SIPA1: variants seen among roughly 807,000 people sequenced by gnomAD.
SIPA1 encodes signal-induced proliferation-associated protein 1.
In SIPA1, 51 loss-of-function variants were observed where a neutral mutation model predicts 88.1. The ratio of observed to expected loss-of-function variants is 0.58; its 90% confidence interval spans 0.46 to 0.73. The LOEUF is 0.73. Ranked by LOEUF, SIPA1 falls within the 30% of genes least tolerant of loss-of-function variation. The pLI, the probability that SIPA1 is intolerant of heterozygous loss-of-function variation, is 0.00. For synonymous variants in SIPA1, 681 were observed against 664.8 expected (o/e 1.02, Z -0.37); for missense variants, 1,348 against 1,467.6 (o/e 0.92, Z 1.33).
chr11:65,650,523 A>T (rs1349705504), intron 15 of SIPA1, 44 bp downstream of exon 15: 1 of 1,612,952 alleles, frequency 6.2e-7, no homozygotes, highest in South Asian at 1.1e-5. Context: ...GGGCTGCCCC[A>T]GGAAAGGGGC....
At chr11:65,639,641 G>A (rs1167753892) in intron 1 of SIPA1, among the ~76,000 whole-genome samples, 1 of 152,120 alleles carries the variant, frequency 6.6e-6, no homozygotes, top group Non-Finnish European at 1.5e-5. Flanking sequence ...ACCCCCAGTG[G>A]AGGTTCCCCA....
At chr11:65,647,192 C>A (rs113829864) in intron 8 of SIPA1, 127 bp downstream of exon 8, 1 of 1,410,140 alleles carries the variant, frequency 7.1e-7, no homozygotes, top group Non-Finnish European at 9.2e-7. Flanking sequence ...AGAGCCAGCC[C>A]CGGGGCTTGG....
chr11:65,643,882 G>A (rs980523043), intron 4 of SIPA1, among the ~76,000 whole-genome samples: 3 of 152,158 alleles, frequency 2.0e-5, no homozygotes, highest in African/African-American at 4.8e-5. Flanking sequence ...GGGATACGGT[G>A]CAGATCTGAG....
chr11:65,645,693 GC>G (rs530781471), intron 5 of SIPA1, 160 bp from the exon 6 acceptor site: 513 of 571,628 alleles, frequency 9.0e-4, no homozygotes, highest in Middle Eastern at 1.7e-3. Flanking sequence ...CAGGGCTGAG[GC>G]CCTTGAATCT....
chr11:65,649,136 A>G, intron 9 of SIPA1, 126 bp from the exon 10 acceptor site: 1 of 668,704 alleles, frequency 1.5e-6, no homozygotes, highest in Non-Finnish European at 2.5e-6. Context: ...GACATTTTTC[A>G]CTGTTGTCAG....
chr11:65,647,846 G>C (rs1157890101), intron 9 of SIPA1, among the ~76,000 whole-genome samples, 188 bp downstream of exon 9: 1 of 147,928 alleles, frequency 6.8e-6, no homozygotes, highest in African/African-American at 2.5e-5. Context: ...CTCTTTCTCT[G>C]TCCTTCCTTC....
chr11:65,642,453 C>T lies in SIPA1; in HGVS notation c.808-10C>T, dbSNP rs754597737. The T allele has an allele frequency of 1.9e-6, 3 of 1,610,604 alleles. No individual in the cohort carries two copies. The Middle Eastern group carries it at 5.0e-4, about 266-fold the overall frequency. ...TATGCATCCTGAGTGCCCTTACACC[C>T]CTTCCTCAGCTCCGGACACTCCGTG... On this transcript the variant is annotated splice_polypyrimidine_tract_variant and intron_variant, in intron 3 of 15. Transcript: ENST00000534313. This position sits in a 1 kb window ranked among gnomAD's most constrained non-coding sequence, Gnocchi z 6.5.
chr11:65,642,063 T>A lies in SIPA1; in HGVS notation c.680-187T>A. The A allele has an allele frequency of 1.2e-6, 1 of 828,870 alleles. No individual in the cohort carries two copies. Among genetic ancestry groups the A allele is most frequent in the East Asian group, 2.9e-5 (1 of 34,484 alleles). 51.3% of individuals were successfully genotyped at this position (828,870 alleles called of 1,614,324 possible). A position where few individuals can be genotyped will look rare whatever the true frequency, so the allele number is the denominator to read the frequency against. ...GCGTGGGTCTAGGTCTGGGTCTGGGTCCACCTCTGGGTCAGGGTTGAGATC... is the reference window on the plus strand; with the variant it reads ...GCGTGGGTCTAGGTCTGGGTCTGGGACCACCTCTGGGTCAGGGTTGAGATC... On this transcript the variant is annotated intron_variant, in intron 2 of 15. Transcript: ENST00000534313. The surrounding 1 kb of genome is among the most constrained non-coding windows in gnomAD (Gnocchi z 6.5).
chr11:65,644,866 C>A (rs1856076438), intron 4 of SIPA1, 89 bp from the exon 5 acceptor site: 1 of 1,382,740 alleles, frequency 7.2e-7, no homozygotes, highest in Non-Finnish European at 1.0e-6. Context: ...GGTGCTCAGC[C>A]CCAGGCCAGC....
At position 65,650,011 on chromosome 11, in the gene SIPA1, C is replaced by T. The variant is rs756422511; in HGVS notation, c.2808C>T (p.Ala936=). The T allele has an allele frequency of 6.2e-7, 1 of 1,614,018 alleles. No homozygotes were observed. Among genetic ancestry groups the T allele is most frequent in the Non-Finnish European group, 8.5e-7 (1 of 1,180,014 alleles). Residue 936 remains alanine (A), a synonymous_variant, in exon 13 of 16, where the codon GCC becomes GCT. Coordinates refer to ENST00000534313, the MANE Select transcript of SIPA1 (RefSeq NM_006747.4). ...AGTGGCAGGCCATCTCGGAGATTGC[C>T]TCTACTTGCAACACCATTCTGGAGT... The part of the protein sequence containing the change: ...EDEWQAISEI[A]STCNTILESL...
In SIPA1 at chr11:65,646,459, G is replaced by A. The variant is rs1239233251; in HGVS notation, c.1425G>A (p.Val475=). The change falls in exon 8 of 16, where the codon GTG becomes GTA. Residue 475 remains valine (V), a synonymous_variant. Coordinates refer to ENST00000534313, the MANE Select transcript of SIPA1 (RefSeq NM_006747.4). The surrounding 1 kb of genome is among the most constrained non-coding windows in gnomAD (Gnocchi z 7.5). ...TPCTPHTTYR[V]AVSRTQDTPA... is the part of the protein sequence containing the mutation. ...ACTAACGCCTCCCTCCCCGCAGGGT[G>A]GCCGTGAGCCGCACCCAGGACACCC... 6.3e-7 allele frequency: 1 copy of A among 1,585,366 alleles called. No homozygotes were observed. The highest frequency in any genetic ancestry group is 1.7e-5 in the Admixed American group (1 of 58,692).
intron 14 of SIPA1, 48 bp from the exon 15 acceptor site, chr11:65,650,353 A>C (rs1856239309): frequency 6.3e-7 from 1 of 1,595,140 alleles, no homozygotes; most frequent in Non-Finnish European, 8.6e-7. Context: ...CAGCTGGTGC[A>C]CTGCCCCCTG....
In SIPA1 at chr11:65,646,973, C is replaced by T; in HGVS notation, c.1939C>T (p.Leu647=). 1 of 1,540,490 alleles carries T rather than the reference C, an allele frequency of 6.5e-7. No individual in the cohort carries two copies. The highest frequency in any genetic ancestry group is 8.7e-7 in the Non-Finnish European group (1 of 1,148,886). ...GGCCTGGACCTTCTCCGAGCAGCAG[C>T]TGGACCTGTACCACGGCCGCGGGGA... ...VLAWTFSEQQ[L]DLYHGRGEAI... Residue 647 remains leucine (L), a synonymous_variant, in exon 8 of 16, where the codon CTG becomes TTG. Transcript: ENST00000534313. The surrounding 1 kb of genome is among the most constrained non-coding windows in gnomAD (Gnocchi z 7.5).
At position 65,642,130 on chromosome 11, in the gene SIPA1, T is replaced by C; in HGVS notation, c.680-120T>C. On this transcript the variant is annotated intron_variant, in intron 2 of 15. Coordinates refer to ENST00000534313, the MANE Select transcript of SIPA1 (RefSeq NM_006747.4). This position sits in a 1 kb window ranked among gnomAD's most constrained non-coding sequence, Gnocchi z 6.5. The stretch of plus-strand genomic sequence containing the variant: ...GGCTACAGAGGGGCGGGACTTAGTC[T>C]AGGGTCAACATTTGGTGGTGAGATG... 1 of 1,371,516 alleles carries C rather than the reference T, an allele frequency of 7.3e-7. No homozygotes were observed. Among genetic ancestry groups the C allele is most frequent in the Non-Finnish European group, 9.9e-7 (1 of 1,010,198 alleles). 85.0% of individuals were successfully genotyped at this position (1,371,516 alleles called of 1,614,324 possible).
chr11:65,641,516 G>C lies in SIPA1; in HGVS notation c.595G>C (p.Glu199Gln), dbSNP rs1856004147. 6 of 1,612,360 alleles carry C rather than the reference G, an allele frequency of 3.7e-6. No individual in the cohort carries two copies. The highest frequency in any genetic ancestry group is 4.2e-6 in the Non-Finnish European group (5 of 1,179,998). The change falls in exon 2 of 16, where the codon GAG becomes CAG. Residue 199 changes from glutamate (E) to glutamine (Q), a missense_variant. Around this residue, in one of 4 missense-constraint regions of SIPA1, gnomAD observed 641 missense variants for 797.7 expected, o/e 0.80. Coordinates refer to ENST00000534313, the MANE Select transcript of SIPA1 (RefSeq NM_006747.4). ...CAACGCGGCCGTGTCCATCCTGGAG[G>C]AGCCACAGAACCGAACCTCGGCCTA... ...LPNAAVSILE[E>Q]PQNRTSAYSL...
At chr11:65,640,309 G>A (rs999304993) in intron 1 of SIPA1, 4 of 152,430 alleles carry the variant, frequency 2.6e-5, no homozygotes, top group African/African-American at 9.6e-5. Context: ...TTGAGGCCTT[G>A]AGGTCCAGGG....
Position 65,642,956 on chromosome 11 carries a change from C to T in SIPA1, c.984+317C>T, listed in dbSNP as rs1047718068. ...TTTGAGATGGAGTCTCGCTCTGTCA[C>T]CCAGGCTGGAGTGCAATGGTGGAAT... On this transcript the variant is annotated intron_variant, in intron 4 of 15. Transcript: ENST00000534313. The surrounding 1 kb of genome is among the most constrained non-coding windows in gnomAD (Gnocchi z 6.5). Among the ~76,000 whole-genome samples the T allele has an allele frequency of 6.7e-6, 1 of 150,342 alleles. No homozygotes were observed.
intron 13 of SIPA1, 43 bp from the exon 14 acceptor site, chr11:65,650,095 G>T (rs2135535068): frequency 6.2e-7 from 1 of 1,613,314 alleles, no homozygotes. Flanking sequence ...CAGTGCTCTT[G>T]CCCCCTTTCT....
chr11:65,640,913 C>T lies in SIPA1; in HGVS notation c.-9C>T. On this transcript the variant is annotated 5_prime_UTR_variant, in exon 2 of 16. Coordinates refer to ENST00000534313, the MANE Select transcript of SIPA1 (RefSeq NM_006747.4). ...CGGCCCAGCCCCCGGAGAGTCAGGC[C>T]CACAGAGCATGCCCATGTGGGCCGG... 6.7e-7 allele frequency: 1 copy of T among 1,488,702 alleles called. No homozygotes were observed. Among genetic ancestry groups the T allele is most frequent in the Non-Finnish European group, 8.9e-7 (1 of 1,128,512 alleles). The allele number at this position is 1,488,702 out of a possible 1,614,324, so 92.2% of individuals were successfully genotyped here. A position where few individuals can be genotyped will look rare whatever the true frequency, so the allele number is the denominator to read the frequency against.
Sources: allele counts gnomAD v4.1 joint callset (sites outside exome capture counted in the v4.1 genomes callset), GRCh38; gene constraint gnomAD v4.1.1; regional missense constraint gnomAD v4.1.1; non-coding constraint Gnocchi (gnomAD v3.1); transcripts MANE v1.5; gene names NCBI Gene and HGNC (gene_info 2026-07-23, HGNC 2026-07-21).